AMBRA1: variants seen among roughly 807,000 people sequenced by gnomAD.
AMBRA1 encodes activating molecule in BECN1-regulated autophagy protein 1.
Under a neutral mutation model 125.4 loss-of-function variants are expected in AMBRA1, and 47 were observed. The ratio of observed to expected loss-of-function variants is 0.37; its 90% confidence interval spans 0.30 to 0.48. The LOEUF (loss-of-function observed/expected upper bound fraction) is 0.48. Ranked by LOEUF, AMBRA1 falls within the 20% of genes least tolerant of loss-of-function variation. The pLI is 0.99. For synonymous variants in AMBRA1, 626 were observed against 655.5 expected (o/e 0.95, Z 0.69); for missense variants, 1,331 against 1,693.4 (o/e 0.79, Z 3.76).
chr11:46,464,758 G>A (rs975361286), intron 11 of AMBRA1, among the ~76,000 whole-genome samples: 7 of 151,732 alleles, frequency 4.6e-5, no homozygotes, highest in African/African-American at 1.2e-4. Context: ...ATTAAACACC[G>A]AGACAAGGCC....
intron 11 of AMBRA1, among the ~76,000 whole-genome samples, chr11:46,483,153 A>G (rs910452165): frequency 2.6e-5 from 4 of 152,172 alleles, no homozygotes; most frequent in African/African-American, 9.7e-5. Flanking sequence ...AACTGGGCCT[A>G]TGATAAACCC....
chr11:46,400,496 T>G (rs1945698053), intron 17 of AMBRA1, among the ~76,000 whole-genome samples: 1 of 97,090 alleles, frequency 1.0e-5, no homozygotes. Context: ...TTTTTTTTTT[T>G]TTTTTTTTTT....
Position 46,585,698 on chromosome 11 carries a change from ATAT to A in AMBRA1, c.-121+8127_-121+8129del, listed in dbSNP as rs1565327610. 1.7e-3 allele frequency among the ~76,000 whole-genome samples: 80 copies of A among 47,242 alleles called. 2 individuals are homozygous for A. Among genetic ancestry groups the A allele is most frequent in the African/African-American group, 5.7e-3 (62 of 10,794 alleles). 31.0% of individuals were successfully genotyped at this position (47,242 alleles called of 152,430 possible). On this transcript the variant is annotated intron_variant, in intron 1 of 17. Transcript: ENST00000683756. ...AAAAAAAAAAAAAAAAAAAAAAAAT[ATAT>A]ATATATATATATATATATATATTCC...
At chr11:46,425,816 G>A (rs1032953914) in intron 14 of AMBRA1, among the ~76,000 whole-genome samples, 3 of 150,350 alleles carry the variant, frequency 2.0e-5, no homozygotes, top group African/African-American at 7.4e-5. Flanking sequence ...TCCAGCCTGT[G>A]CAACAAGAGC....
rs1471678113 is a variant in AMBRA1 at position 46,543,232 on chromosome 11, A to G, written c.785T>C (p.Val262Ala). Residue 262 changes from valine to alanine, a missense_variant, in exon 7 of 18, where the codon GTG becomes GCG. Val to Ala is a moderately conservative substitution (Grantham distance 64). Around this residue, in one of 4 missense-constraint regions of AMBRA1, gnomAD observed 689 missense variants for 776.5 expected, o/e 0.89. Transcript: ENST00000683756. ...SGIQVGEQSTVQDSATPSPPP... is the reference protein window; with the variant it reads ...SGIQVGEQSTAQDSATPSPPP... Reference sequence around the variant, plus strand: ...GGGTGAGGGGGTAGCAGAATCTTGCACTGTGCTTTGCTCTCCCACCTGGAT... The same window carrying G: ...GGGTGAGGGGGTAGCAGAATCTTGCGCTGTGCTTTGCTCTCCCACCTGGAT... 6.2e-7 allele frequency: 1 copy of G among 1,612,876 alleles called. No individual in the cohort carries two copies. The highest frequency in any genetic ancestry group is 1.1e-5 in the South Asian group (1 of 90,908).
intron 7 of AMBRA1, among the ~76,000 whole-genome samples, chr11:46,531,087 T>A (rs1591044810): frequency 6.6e-6 from 1 of 152,120 alleles, no homozygotes; most frequent in East Asian, 1.9e-4. Context: ...TTTGACATGT[T>A]GGCCAGGCTG....
chr11:46,480,828 T>C (rs537391544), intron 11 of AMBRA1, among the ~76,000 whole-genome samples: 35 of 152,216 alleles, frequency 2.3e-4, no homozygotes, highest in Non-Finnish European at 4.6e-4. Context: ...AAGCTGCTGA[T>C]AGAAGAGGAA....
chr11:46,428,913 G>A (rs964177165), intron 14 of AMBRA1: 14 of 1,611,738 alleles, frequency 8.7e-6, no homozygotes, highest in African/African-American at 5.3e-5. Flanking sequence ...AGGTAATCAC[G>A]GAGATACTGG....
chr11:46,562,988 G>A (rs2043389456), intron 1 of AMBRA1, among the ~76,000 whole-genome samples: 1 of 152,052 alleles, frequency 6.6e-6, no homozygotes, highest in Admixed American at 6.6e-5. Context: ...AGTGGAAACA[G>A]GGTTTCACCA....
chr11:46,416,593 G>A (rs1345413525), intron 15 of AMBRA1, among the ~76,000 whole-genome samples: 2 of 152,178 alleles, frequency 1.3e-5, no homozygotes, highest in South Asian at 2.1e-4. Context: ...CAGGCCACAT[G>A]AGCTGACCCA....
intron 11 of AMBRA1, among the ~76,000 whole-genome samples, chr11:46,446,018 C>T (rs1263444226): frequency 1.3e-5 from 2 of 152,128 alleles, no homozygotes; most frequent in East Asian, 1.9e-4. Context: ...TCCCAAATCC[C>T]GGCTCCAGAG....
At chr11:46,443,231 G>T (rs1948106654) in intron 12 of AMBRA1, among the ~76,000 whole-genome samples, 1 of 152,172 alleles carries the variant, frequency 6.6e-6, no homozygotes. Flanking sequence ...GCTAAACCTT[G>T]TGACCCTTTT....
At chr11:46,428,133 A>T (rs7119921) in intron 14 of AMBRA1, among the ~76,000 whole-genome samples, 142,492 of 151,820 alleles carry the variant, frequency 0.94, 67,482 homozygotes, top group East Asian at 1. Flanking sequence ...AAAGGGATAG[A>T]CCACTACTGA....
rs1262045916 is a variant in AMBRA1 at position 46,408,580 on chromosome 11, C to A, written c.3336G>T (p.Gln1112His). ...CCCTCTCAGTCTGTGTTTCGGCATT[C>A]TGCAGCTGAAGGGCCAGAGTCTGGG... ...QGTQTLALQL[Q>H]NAETQTEREV... The change falls in exon 17 of 18, where the codon CAG becomes CAT. Residue 1112 changes from glutamine (Q) to histidine (H), a missense_variant. By Grantham distance (24) the Gln-to-His change is conservative. Around this residue, in one of 4 missense-constraint regions of AMBRA1, gnomAD observed 354 missense variants for 532.7 expected, o/e 0.66. Transcript: ENST00000683756. The A allele has an allele frequency of 1.2e-6, 2 of 1,608,328 alleles. No individual in the cohort carries two copies. Among genetic ancestry groups the A allele is most frequent in the Admixed American group, 3.4e-5 (2 of 59,450 alleles).
At chr11:46,421,907 G>A (rs1234206336) in intron 14 of AMBRA1, among the ~76,000 whole-genome samples, 2 of 152,174 alleles carry the variant, frequency 1.3e-5, no homozygotes, top group African/African-American at 4.8e-5. Flanking sequence ...TACTGACAAA[G>A]ACAGTATAAG....
chr11:46,412,383 C>A (rs1364550397), intron 15 of AMBRA1, among the ~76,000 whole-genome samples: 1 of 152,182 alleles, frequency 6.6e-6, no homozygotes, highest in Non-Finnish European at 1.5e-5. Context: ...TCCCTGGGCT[C>A]AGGTGATTCT....
At chr11:46,530,722 G>A (rs146413309) in intron 7 of AMBRA1, 232 of 152,218 alleles carry the variant, frequency 1.5e-3, no homozygotes, top group African/African-American at 5.2e-3. Flanking sequence ...AGCAGGAGCT[G>A]GCAAACTATA....
chr11:46,549,150 C>G (rs1565284433), intron 1 of AMBRA1: 1 of 151,878 alleles, frequency 6.6e-6, no homozygotes, highest in East Asian at 1.9e-4. Context: ...GAGAAAACTT[C>G]ATCAGAAATT....
At chr11:46,506,890 G>A (rs1242107871) in intron 9 of AMBRA1, among the ~76,000 whole-genome samples, 2 of 151,964 alleles carry the variant, frequency 1.3e-5, no homozygotes, top group Admixed American at 1.3e-4. Context: ...CTTAGGCTGG[G>A]CGTGGTTGCT....
Sources: allele counts gnomAD v4.1 joint callset (sites outside exome capture counted in the v4.1 genomes callset), GRCh38; gene constraint gnomAD v4.1.1; regional missense constraint gnomAD v4.1.1; transcripts MANE v1.5; gene names NCBI Gene and HGNC (gene_info 2026-07-23, HGNC 2026-07-21).